TTLL5: variants seen among roughly 807,000 people sequenced by gnomAD.
TTLL5 encodes the protein tubulin polyglutamylase TTLL5.
A neutral mutation model predicts 168.4 loss-of-function variants in TTLL5; 132 were observed. The observed-to-expected ratio is 0.78, with a 90% CI of 0.68 to 0.91. The LOEUF (loss-of-function observed/expected upper bound fraction) is 0.91. TTLL5 is among the 40% of genes least tolerant of loss of function. The pLI, the probability that TTLL5 is intolerant of heterozygous loss-of-function variation, is 0.00. For missense variants in TTLL5, 1,545 were observed against 1,581.5 expected (o/e 0.98, Z 0.39); for synonymous variants, 546 against 558.6 (o/e 0.98, Z 0.32).
chr14:75,916,584 C>G (rs531723625), intron 31 of TTLL5, among the ~76,000 whole-genome samples: 3 of 152,052 alleles, frequency 2.0e-5, no homozygotes, highest in Non-Finnish European at 4.4e-5. Flanking sequence ...CTGCCATGAT[C>G]CATGATCACA....
In TTLL5 at chr14:75,942,469, T is replaced by A. The variant is rs146685321; in HGVS notation, c.3824-11955T>A. Among the ~76,000 whole-genome samples the A allele has an allele frequency of 1.5e-3, 227 of 152,270 alleles. 1 individual carries two copies. The highest frequency in any genetic ancestry group is 5.1e-3 in the African/African-American group (214 of 41,556). ...ATTTGTAAGATGCGATCTCAGCACT[T>A]AAGAGTGTAGCAGTGAAAATAAGCA... On this transcript the variant is annotated intron_variant, in intron 31 of 31. Transcript: ENST00000298832.
At chr14:75,821,706 G>A (rs1894840763) in intron 28 of TTLL5, among the ~76,000 whole-genome samples, 1 of 152,118 alleles carries the variant, frequency 6.6e-6, no homozygotes, top group South Asian at 2.1e-4. Flanking sequence ...GATGAGTTCG[G>A]TTAAGGATGT....
chr14:75,787,867 A>C (rs898549065), intron 26 of TTLL5, among the ~76,000 whole-genome samples: 5 of 152,248 alleles, frequency 3.3e-5, no homozygotes, highest in African/African-American at 9.6e-5. Flanking sequence ...ATGTATTTCA[A>C]AATTTAAGAG....
Position 75,661,363 on chromosome 14 carries a change from C to T in TTLL5, c.-120C>T, listed in dbSNP as rs1301157567. ...CAGAGCGCGGTCCACGCCTGCTCGC[C>T]CCGAACCATGGGAAGATGAGACAGG... On this transcript the variant is annotated 5_prime_UTR_variant, in exon 1 of 32. Coordinates refer to ENST00000298832, the MANE Select transcript of TTLL5 (RefSeq NM_015072.5). The T allele has an allele frequency of 6.6e-6, 1 of 152,214 alleles. No individual in the cohort carries two copies. Among genetic ancestry groups the T allele is most frequent in the Non-Finnish European group, 1.5e-5 (1 of 68,128 alleles). The allele number at this position is 152,214 out of a possible 1,614,324, so 9.4% of individuals were successfully genotyped here.
At chr14:75,778,256 G>A (rs542335400) in intron 23 of TTLL5, among the ~76,000 whole-genome samples, 1 of 152,286 alleles carries the variant, frequency 6.6e-6, no homozygotes, top group East Asian at 1.9e-4. Context: ...GGGAAATAAT[G>A]TGGTGACGTC....
chr14:75,713,182 T>C (rs775089364), intron 9 of TTLL5, among the ~76,000 whole-genome samples: 1 of 152,238 alleles, frequency 6.6e-6, no homozygotes, highest in Non-Finnish European at 1.5e-5. Context: ...GGACCACATA[T>C]ACTATGGTAT....
At position 75,867,550 on chromosome 14, in the gene TTLL5, A is replaced by T. The variant is rs184946036; in HGVS notation, c.3522+3688A>T. 1.4e-4 allele frequency among the ~76,000 whole-genome samples: 22 copies of T among 151,938 alleles called. 1 individual carries two copies. In the East Asian group the frequency reaches 3.1e-3, roughly 21 times the overall value. ...GCCAAGGCAGGTGGATCACAAGGTC[A>T]GGAGTTCGAGACCAGCCTGACCAAT... On this transcript the variant is annotated intron_variant, in intron 29 of 31. Coordinates refer to ENST00000298832, the MANE Select transcript of TTLL5 (RefSeq NM_015072.5).
chr14:75,930,179 A>T (rs752296416), intron 31 of TTLL5, among the ~76,000 whole-genome samples: 5 of 152,218 alleles, frequency 3.3e-5, no homozygotes, highest in African/African-American at 4.8e-5. Context: ...TGCTCAGCAC[A>T]ATACTAGGTG....
intron 28 of TTLL5, among the ~76,000 whole-genome samples, chr14:75,836,944 T>G (rs986325937): frequency 1.3e-5 from 2 of 152,352 alleles, no homozygotes; most frequent in Admixed American, 6.5e-5. Flanking sequence ...TTTTAAAATT[T>G]ATCAATGTGA....
intron 31 of TTLL5, among the ~76,000 whole-genome samples, chr14:75,925,786 C>T (rs1330190963): frequency 6.6e-6 from 1 of 152,014 alleles, no homozygotes; most frequent in Non-Finnish European, 1.5e-5. Context: ...AACCAGACTC[C>T]GTCTGCAATC....
intron 27 of TTLL5, among the ~76,000 whole-genome samples, chr14:75,799,781 C>A (rs1893183955): frequency 6.6e-6 from 1 of 152,156 alleles, no homozygotes. Context: ...TTTAAGGAGG[C>A]TAAACATAGG....
intron 30 of TTLL5, among the ~76,000 whole-genome samples, chr14:75,883,209 GA>G (rs2031912239): frequency 6.6e-6 from 1 of 152,230 alleles, no homozygotes; most frequent in Non-Finnish European, 1.5e-5. Context: ...TTAGGCATTT[GA>G]AAGGGGAGAT....
At chr14:75,692,028 A>G (rs979260811) in intron 6 of TTLL5, among the ~76,000 whole-genome samples, 5 of 152,230 alleles carry the variant, frequency 3.3e-5, no homozygotes, top group South Asian at 2.1e-4. Context: ...AATTAAATGA[A>G]TCAACTTCAG....
intron 17 of TTLL5, among the ~76,000 whole-genome samples, chr14:75,746,853 C>A (rs779944380): frequency 1.3e-5 from 2 of 152,160 alleles, no homozygotes; most frequent in African/African-American, 2.4e-5. Context: ...CGTGAGACAC[C>A]GTGCTTGGTC....
At chr14:75,943,452 A>G (rs533900526) in intron 31 of TTLL5, among the ~76,000 whole-genome samples, 1 of 152,328 alleles carries the variant, frequency 6.6e-6, no homozygotes, top group African/African-American at 2.4e-5. Context: ...AATGGAGTGG[A>G]GAAGGGGAAT....
chr14:75,748,667 T>C (rs1022836287), intron 17 of TTLL5, among the ~76,000 whole-genome samples: 39 of 152,246 alleles, frequency 2.6e-4, no homozygotes, highest in African/African-American at 8.2e-4. Flanking sequence ...AAGGTAATGC[T>C]TTAGGAAAAA....
At chr14:75,773,300 T>G (rs1003432187) in intron 21 of TTLL5, among the ~76,000 whole-genome samples, 2 of 152,086 alleles carry the variant, frequency 1.3e-5, no homozygotes, top group Non-Finnish European at 2.9e-5. Context: ...TGCTCCACTG[T>G]GAAAAAAATA....
chr14:75,765,806 G>T (rs1856937494), intron 19 of TTLL5, among the ~76,000 whole-genome samples: 1 of 152,150 alleles, frequency 6.6e-6, no homozygotes, highest in Admixed American at 6.5e-5. Flanking sequence ...GAGCTGTAAT[G>T]AGCCGAGATC....
chr14:75,910,996 T>TG (rs921936059), intron 31 of TTLL5, among the ~76,000 whole-genome samples: 1 of 152,056 alleles, frequency 6.6e-6, no homozygotes, highest in Non-Finnish European at 1.5e-5. Context: ...TTTTTGTTGT[T>TG]GGGGGGTGGG....
Sources: gnomAD v4.1 joint callset for allele counts (sites outside exome capture counted in the v4.1 genomes callset) on GRCh38, gnomAD v4.1.1 for gene constraint, MANE v1.5 for transcripts, NCBI Gene and HGNC (gene_info 2026-07-23, HGNC 2026-07-21) for gene names.